The following WWOX variants were observed in gnomAD, a reference collection of about 807,000 sequenced individuals.
WWOX encodes WW domain-containing oxidoreductase.
In WWOX, 69 loss-of-function variants were observed where a neutral mutation model predicts 46.2. The ratio of observed to expected loss-of-function variants is 1.49; its 90% CI spans 1.23 to 1.82. The LOEUF (loss-of-function observed/expected upper bound fraction) is 1.82. WWOX is among the 40% of genes most tolerant of loss of function. The pLI is 0.00. For missense variants in WWOX, 919 were observed against 542.6 expected (o/e 1.69, Z -6.89); for synonymous variants, 359 against 202.6 (o/e 1.77, Z -6.56).
At chr16:79,014,041 T>G (rs1367354967) in intron 8 of WWOX, among the ~76,000 whole-genome samples, 1 of 152,230 alleles carries the variant, frequency 6.6e-6, no homozygotes, top group East Asian at 1.9e-4. Context: ...ATTTAGAGAC[T>G]GTCAATTCCT....
At chr16:78,607,362 T>C (rs1322270681) in intron 8 of WWOX, among the ~76,000 whole-genome samples, 6 of 152,236 alleles carry the variant, frequency 3.9e-5, no homozygotes, top group Non-Finnish European at 5.9e-5. Context: ...TCTTCCCTTT[T>C]GTTTGTGAGT....
At chr16:78,351,031 G>C (rs949656543) in intron 5 of WWOX, among the ~76,000 whole-genome samples, 4 of 152,176 alleles carry the variant, frequency 2.6e-5, no homozygotes, top group African/African-American at 9.7e-5. Context: ...TTTTGATTTG[G>C]ATTTTCTTGA....
intron 8 of WWOX, among the ~76,000 whole-genome samples, chr16:79,001,164 G>C (rs770167571): frequency 5.9e-5 from 9 of 152,180 alleles, no homozygotes; most frequent in Non-Finnish European, 1.3e-4. Context: ...TTAATTTGCT[G>C]CTGAATGCAC....
At chr16:78,116,444 C>G (rs3850107) in intron 4 of WWOX, among the ~76,000 whole-genome samples, 37,767 of 152,048 alleles carry the variant, frequency 0.25, 5,599 homozygotes, top group East Asian at 0.52. Context: ...AATTTTTTTA[C>G]TGTACTTGCC....
At chr16:78,469,840 T>C (rs1597129832) in intron 8 of WWOX, among the ~76,000 whole-genome samples, 1 of 152,206 alleles carries the variant, frequency 6.6e-6, no homozygotes, top group Non-Finnish European at 1.5e-5. Context: ...GGTGATCCTT[T>C]GGTTATTTGC....
At chr16:78,846,465 TC>T (rs946010013) in intron 8 of WWOX, among the ~76,000 whole-genome samples, 1 of 152,162 alleles carries the variant, frequency 6.6e-6, no homozygotes, top group Non-Finnish European at 1.5e-5. Flanking sequence ...TTTGAAGAGT[TC>T]CGGTCAGTTA....
intron 8 of WWOX, among the ~76,000 whole-genome samples, chr16:78,869,660 G>T (rs565914285): frequency 6.6e-6 from 1 of 152,196 alleles, no homozygotes; most frequent in African/African-American, 2.4e-5. Flanking sequence ...TTTTGTGGAC[G>T]TGGGGAGTGG....
chr16:78,903,166 A>G (rs976278071), intron 8 of WWOX, among the ~76,000 whole-genome samples: 1 of 152,006 alleles, frequency 6.6e-6, no homozygotes, highest in African/African-American at 2.4e-5. Context: ...GAGTCTAAAT[A>G]CTCCCTAGAT....
chr16:78,968,697 C>A (rs577116239), intron 8 of WWOX, among the ~76,000 whole-genome samples: 1 of 152,286 alleles, frequency 6.6e-6, no homozygotes, highest in Non-Finnish European at 1.5e-5. Context: ...TCTTTTCTTT[C>A]TTCTTCCTCT....
chr16:78,979,612 C>G (rs914874186), intron 8 of WWOX, among the ~76,000 whole-genome samples: 1 of 152,136 alleles, frequency 6.6e-6, no homozygotes, highest in Non-Finnish European at 1.5e-5. Context: ...ATGGGAGTTT[C>G]TACCGATGCT....
At chr16:79,164,493 G>T (rs1248748229) in intron 8 of WWOX, among the ~76,000 whole-genome samples, 9 of 152,084 alleles carry the variant, frequency 5.9e-5, no homozygotes, top group East Asian at 1.9e-4. Flanking sequence ...GGGATGGGGG[G>T]ATGGGGGGAG....
intron 8 of WWOX, among the ~76,000 whole-genome samples, chr16:78,981,530 CG>C (rs2046682716): frequency 6.6e-6 from 1 of 151,902 alleles, no homozygotes; most frequent in African/African-American, 2.4e-5. Flanking sequence ...CTCCACTTTC[CG>C]GGTTCAGGTG....
At chr16:78,677,457 C>A (rs1199270501) in intron 8 of WWOX, among the ~76,000 whole-genome samples, 1 of 152,148 alleles carries the variant, frequency 6.6e-6, no homozygotes, top group Non-Finnish European at 1.5e-5. Context: ...AAAAAAAATT[C>A]GGATTTCCAG....
At chr16:78,285,954 G>C (rs752435110) in intron 5 of WWOX, among the ~76,000 whole-genome samples, 14 of 152,154 alleles carry the variant, frequency 9.2e-5, no homozygotes, top group Admixed American at 8.5e-4. Context: ...CCTAAAGCCT[G>C]CTAGTGAATT....
At chr16:78,276,822 A>G (rs2079587271) in intron 5 of WWOX, among the ~76,000 whole-genome samples, 1 of 152,124 alleles carries the variant, frequency 6.6e-6, no homozygotes, top group African/African-American at 2.4e-5. Flanking sequence ...GCTTTTATGA[A>G]CTGGGCCATC....
chr16:78,447,118 T>A (rs1421582059), intron 8 of WWOX, among the ~76,000 whole-genome samples: 1 of 152,176 alleles, frequency 6.6e-6, no homozygotes, highest in East Asian at 1.9e-4. Context: ...ATTTCCTGTT[T>A]TCTGAACCAG....
intron 8 of WWOX, among the ~76,000 whole-genome samples, chr16:78,885,063 C>A (rs1417773759): frequency 6.6e-6 from 1 of 152,138 alleles, no homozygotes; most frequent in Non-Finnish European, 1.5e-5. Flanking sequence ...CATGGCACCC[C>A]AGGTTCAGTG....
chr16:78,459,714 A>G (rs1369492302), intron 8 of WWOX, among the ~76,000 whole-genome samples: 2 of 152,222 alleles, frequency 1.3e-5, no homozygotes, highest in Non-Finnish European at 1.5e-5. Context: ...AAGTATTTAA[A>G]AATAATACCA....
rs561874095 is a variant in WWOX, at chr16:79,049,710, C to A, written c.1057-161898C>A. 5.9e-5 allele frequency among the ~76,000 whole-genome samples: 9 copies of A among 152,114 alleles called. No individual in the cohort carries two copies. The South Asian group carries it at 1.9e-3, about 32-fold the overall frequency. Reference sequence around the variant, plus strand: ...AATTAGCCTGGCGTGGTGGCCGGCGCCTGTAATCCCAGCCACTTGGGAGGC... The same window carrying A: ...AATTAGCCTGGCGTGGTGGCCGGCGACTGTAATCCCAGCCACTTGGGAGGC... On this transcript the variant is annotated intron_variant, in intron 8 of 8. Transcript: ENST00000566780.
Sources: allele counts gnomAD v4.1 joint callset (sites outside exome capture counted in the v4.1 genomes callset), GRCh38; gene constraint gnomAD v4.1.1; transcripts MANE v1.5; gene names NCBI Gene and HGNC (gene_info 2026-07-23, HGNC 2026-07-21).